RAPSN: variants seen among roughly 807,000 people sequenced by gnomAD.
RAPSN encodes the protein 43 kDa receptor-associated protein of the synapse.
Under a neutral mutation model 45.7 loss-of-function variants are expected in RAPSN, and 33 were observed. The ratio of observed to expected loss-of-function variants is 0.72; its 90% CI spans 0.55 to 0.97. RAPSN has a LOEUF of 0.97. Ranked by LOEUF, RAPSN falls within the 50% of genes least tolerant of loss-of-function variation. RAPSN has a pLI of 0.00. For missense variants in RAPSN, 519 were observed against 559.4 expected, an observed-to-expected ratio of 0.93 and a Z score of 0.73; for synonymous variants, 244 against 233.6, an observed-to-expected ratio of 1.04 and a Z score of -0.40.
intron 2 of RAPSN, among the ~76,000 whole-genome samples, chr11:47,446,105 T>A (rs2076404305): frequency 6.6e-6 from 1 of 151,322 alleles, no homozygotes; most frequent in Admixed American, 6.6e-5. Context: ...ATTTTTAAAG[T>A]TTGGTGCAGA....
chr11:47,449,031 G>A lies in RAPSN; in HGVS notation c.-67C>T. On this transcript the variant is annotated 5_prime_UTR_variant, in exon 1 of 8. Transcript: ENST00000298854. Reference sequence around the variant, plus strand: ...GCTCCGTGCCTCTAGGCACTCATGGGGCAGGAATCACAGTGCCAGCTGCCC... The same window carrying A: ...GCTCCGTGCCTCTAGGCACTCATGGAGCAGGAATCACAGTGCCAGCTGCCC... The A allele has an allele frequency of 6.3e-7, 1 of 1,591,728 alleles. No individual in the cohort carries two copies. Among genetic ancestry groups the A allele is most frequent in the Non-Finnish European group, 8.6e-7 (1 of 1,160,262 alleles).
chr11:47,447,347 G>A (rs1487206543), intron 2 of RAPSN, among the ~76,000 whole-genome samples: 3 of 152,116 alleles, frequency 2.0e-5, no homozygotes, highest in South Asian at 2.1e-4. Flanking sequence ...TCGTGAGGAC[G>A]GGGACTTGGC....
At chr11:47,446,797 T>C (rs907175315) in intron 2 of RAPSN, among the ~76,000 whole-genome samples, 2 of 152,050 alleles carry the variant, frequency 1.3e-5, no homozygotes, top group Non-Finnish European at 2.9e-5. Flanking sequence ...CCCAGCTACT[T>C]GGGAGGCTGG....
In RAPSN at chr11:47,442,652, C is replaced by T. The variant is rs201803329; in HGVS notation, c.690+4G>A. On this transcript the variant is annotated splice_donor_region_variant and intron_variant, in intron 3 of 7. Transcript: ENST00000298854. The stretch of plus-strand genomic sequence containing the variant: ...CCGACCTGCCCCCTTCCCCGCTGCC[C>T]CACCTCACAACACTCCATGGCACTG... The T allele has an allele frequency of 2.2e-5, 36 of 1,614,058 alleles. No individual in the cohort carries two copies. In the East Asian group the frequency reaches 7.6e-4, roughly 34 times the overall value.
rs763058066 is a variant in RAPSN at position 47,442,696 on chromosome 11, C to T, written c.650G>A (p.Arg217His). Reference sequence around the variant, plus strand: ...GGCACTGCCCAGGCGGCCCAGCAGGCGATAGGCCACGGCCATGTGGTACTG... The same window carrying T: ...GGCACTGCCCAGGCGGCCCAGCAGGTGATAGGCCACGGCCATGTGGTACTG... ...MSQYHMAVAY[R>H]LLGRLGSAME... Residue 217 changes from arginine to histidine, a missense_variant, in exon 3 of 8, where the codon CGC (arginine) becomes CAC (histidine). Transcript: ENST00000298854. 2.0e-5 allele frequency: 32 copies of T among 1,614,106 alleles called. No individual in the cohort carries two copies. Among genetic ancestry groups the T allele is most frequent in the Admixed American group, 3.3e-5 (2 of 60,004 alleles).
chr11:47,448,178 T>G, intron 1 of RAPSN, 28 bp from the exon 2 acceptor site: 1 of 1,602,100 alleles, frequency 6.2e-7, no homozygotes, highest in Non-Finnish European at 8.5e-7. Flanking sequence ...GGGCAGGTGG[T>G]GCTCAGCCTG....
Position 47,447,916 on chromosome 11 carries a change from G to A in RAPSN, c.427C>T (p.Leu143=), listed in dbSNP as rs1417145301. ...FLGLSVFQKA[L]ESFEKALRYA... ...CGCAGGGCCTTCTCGAAGCTCTCCAGGGCCTTCTGGAAGACGCTGAGGCCC... is the reference window on the plus strand; with the variant it reads ...CGCAGGGCCTTCTCGAAGCTCTCCAAGGCCTTCTGGAAGACGCTGAGGCCC... The change falls in exon 2 of 8, where the codon CTG becomes TTG. Residue 143 remains leucine (L), a synonymous_variant. Coordinates refer to ENST00000298854, the MANE Select transcript of RAPSN (RefSeq NM_005055.5). 1.2e-6 allele frequency: 2 copies of A among 1,613,416 alleles called. No individual in the cohort carries two copies. The highest frequency in any genetic ancestry group is 2.7e-5 in the African/African-American group (2 of 75,024).
chr11:47,438,983 T>C (rs2076339551), intron 6 of RAPSN, 52 bp from the exon 7 acceptor site: 4 of 1,528,726 alleles, frequency 2.6e-6, no homozygotes, highest in Non-Finnish European at 1.8e-6. Context: ...ACAAAGTCAG[T>C]GCAGGTAGGC....
Position 47,449,032 on chromosome 11 carries a change from G to A in RAPSN, c.-68C>T. 6.3e-7 allele frequency: 1 copy of A among 1,589,750 alleles called. No individual in the cohort carries two copies. Among genetic ancestry groups the A allele is most frequent in the Non-Finnish European group, 8.6e-7 (1 of 1,158,480 alleles). ...CTCCGTGCCTCTAGGCACTCATGGG[G>A]CAGGAATCACAGTGCCAGCTGCCCC... On this transcript the variant is annotated 5_prime_UTR_variant, in exon 1 of 8. Coordinates refer to ENST00000298854, the MANE Select transcript of RAPSN (RefSeq NM_005055.5).
chr11:47,447,817 C>A lies in RAPSN; in HGVS notation c.526G>T (p.Val176Phe), dbSNP rs2076419966. Residue 176 changes from valine (V) to phenylalanine (F), a missense_variant, in exon 2 of 8, where the codon GTC (valine) becomes TTC (phenylalanine). Transcript: ENST00000298854. ...CCSLGSFYAQ[V>F]KDYEKALFFP... The stretch of plus-strand genomic sequence containing the variant: ...CCCCTGGGGTGCAGGCCCACCTTGA[C>A]CTGGGCATAGAAGCTGCCCAGGCTG... 6.2e-7 allele frequency: 1 copy of A among 1,611,600 alleles called. No homozygotes were observed. Among genetic ancestry groups the A allele is most frequent in the East Asian group, 2.2e-5 (1 of 44,744 alleles).
chr11:47,448,025 G>T lies in RAPSN; in HGVS notation c.318C>A (p.Cys106Ter), dbSNP rs2076423585. The T allele has an allele frequency of 5.0e-6, 8 of 1,614,054 alleles. No homozygotes were observed. The highest frequency in any genetic ancestry group is 6.8e-6 in the Non-Finnish European group (8 of 1,180,000). ...LCEFHKTISY[C>*]KTCLGLPGTR... is the part of the protein sequence containing the mutation. ...TACCAGGCAGCCCAAGGCAGGTCTT[G>T]CAGTAGGAGATGGTCTTGTGAAACT... The change falls in exon 2 of 8, where the codon TGC (cysteine) becomes TGA (stop). Residue 106 changes from cysteine (C) to a stop codon, truncating the protein, a stop_gained. Transcript: ENST00000298854. LOFTEE classifies it high-confidence loss of function.
At chr11:47,444,548 C>CT (rs1458024884) in intron 2 of RAPSN, among the ~76,000 whole-genome samples, 1 of 145,798 alleles carries the variant, frequency 6.9e-6, no homozygotes, top group Non-Finnish European at 1.5e-5. Context: ...CAAAAAAAAA[C>CT]AAAAACAAAA....
chr11:47,444,955 G>T (rs1246681028), intron 2 of RAPSN, among the ~76,000 whole-genome samples: 1 of 151,810 alleles, frequency 6.6e-6, no homozygotes, highest in Non-Finnish European at 1.5e-5. Flanking sequence ...CGGGCGCAGT[G>T]GCTTATGCCT....
Position 47,441,168 on chromosome 11 carries a change from C to T in RAPSN, c.957G>A (p.Val319=). ...IERAQDLAEE[V]GNKLSQLKLH... is the part of the protein sequence containing the mutation. The stretch of plus-strand genomic sequence containing the variant: ...CAGAATCAAGTCTGACCTTGTTCCC[C>T]ACCTCCTCGGCCAGATCCTGGGCTC... Residue 319 remains valine, a synonymous_variant, in exon 6 of 8, where the codon GTG becomes GTA. Coordinates refer to ENST00000298854, the MANE Select transcript of RAPSN (RefSeq NM_005055.5). 2 of 1,614,106 alleles carry T rather than the reference C, an allele frequency of 1.2e-6. No homozygotes were observed. Among genetic ancestry groups the T allele is most frequent in the Non-Finnish European group, 1.7e-6 (2 of 1,180,014 alleles).
chr11:47,447,385 C>T (rs1272948711), intron 2 of RAPSN, among the ~76,000 whole-genome samples: 1 of 152,194 alleles, frequency 6.6e-6, no homozygotes, highest in African/African-American at 2.4e-5. Context: ...CACCCTGGGT[C>T]AACAGTCTTG....
chr11:47,437,888 A>G lies in RAPSN; in HGVS notation c.*87T>C. 1 of 1,515,988 alleles carries G rather than the reference A, an allele frequency of 6.6e-7. No homozygotes were observed. Among genetic ancestry groups the G allele is most frequent in the South Asian group, 1.2e-5 (1 of 83,330 alleles). 93.9% of individuals were successfully genotyped at this position (1,515,988 alleles called of 1,614,324 possible). On this transcript the variant is annotated 3_prime_UTR_variant, in exon 8 of 8. Transcript: ENST00000298854. ...TTGGCTATGGTGAGGACGACCTGGC[A>G]GCTGCCCCAGGAGTAAATGGGCCTC... is the stretch of plus-strand genomic sequence containing the variant.
Position 47,448,136 on chromosome 11 carries a change from C to G in RAPSN, c.207G>C (p.Gln69His), listed in dbSNP as rs2076425159. Reference protein sequence around the residue: ...YKEMLKFAVVQIDTARELEDA... With the variant: ...YKEMLKFAVVHIDTARELEDA... ...CCTCCAGCTCCCGGGCCGTGTCGAT[C>G]TGGACCACAGCGAACTGCACACAGC... Residue 69 changes from glutamine (Q) to histidine (H), a missense_variant, in exon 2 of 8, where the codon CAG becomes CAC. By Grantham distance (24) the Gln-to-His change is conservative. Coordinates refer to ENST00000298854, the MANE Select transcript of RAPSN (RefSeq NM_005055.5). The G allele has an allele frequency of 1.2e-6, 2 of 1,612,002 alleles. No homozygotes were observed. The highest frequency in any genetic ancestry group is 1.7e-6 in the Non-Finnish European group (2 of 1,180,010).
In RAPSN at chr11:47,441,611, C is replaced by T. The variant is rs1273342588; in HGVS notation, c.912G>A (p.Lys304=). 1 of 1,606,042 alleles carries T rather than the reference C, an allele frequency of 6.2e-7. No individual in the cohort carries two copies. Among genetic ancestry groups the T allele is most frequent in the Non-Finnish European group, 8.5e-7 (1 of 1,179,656 alleles). ...KCWVARKALD[K]ALDAIERAQD... is the part of the protein sequence containing the mutation. ...GGCTGTGGGAAAGGCCCGACCTCAC[C>T]TTGTCCAGCGCCTTCCTGGCCACCC... is the stretch of plus-strand genomic sequence containing the variant. The change falls in exon 5 of 8, where the codon AAG becomes AAA. Residue 304 remains lysine, a splice_region_variant and synonymous_variant. Transcript: ENST00000298854.
At chr11:47,443,308 C>T (rs951659720) in intron 2 of RAPSN, among the ~76,000 whole-genome samples, 1 of 152,152 alleles carries the variant, frequency 6.6e-6, no homozygotes, top group African/African-American at 2.4e-5. Flanking sequence ...CTCAGCGAGG[C>T]GATGCAACCA....
Sources: allele counts gnomAD v4.1 joint callset (sites outside exome capture counted in the v4.1 genomes callset), GRCh38; gene constraint gnomAD v4.1.1; transcripts MANE v1.5; gene names NCBI Gene and HGNC (gene_info 2026-07-23, HGNC 2026-07-21).